ILDR1: variants seen among roughly 807,000 people sequenced by gnomAD.
The protein encoded by ILDR1 is immunoglobulin-like domain-containing receptor 1.
Under a neutral mutation model 62.4 loss-of-function variants are expected in ILDR1, and 56 were observed. The observed-to-expected ratio is 0.90, with a 90% CI of 0.72 to 1.12. ILDR1 has a LOEUF of 1.12. ILDR1 is among the 50% of genes most tolerant of loss of function. ILDR1 has a pLI of 0.00. For synonymous variants in ILDR1, 284 were observed against 277.8 expected (o/e 1.02, Z -0.22); for missense variants, 736 against 710.6 (o/e 1.04, Z -0.41).
chr3:122,031,334 T>C, the ILDR1 span, among the ~76,000 whole-genome samples: 2 of 152,148 alleles, frequency 1.3e-5, no homozygotes, highest in African/African-American at 4.8e-5. Context: ...GGGAGGTCAG[T>C]TTGAAAAATC....
chr3:122,059,425 A>G, the ILDR1 span, among the ~76,000 whole-genome samples: 1 of 152,068 alleles, frequency 6.6e-6, no homozygotes, highest in African/African-American at 2.4e-5. Flanking sequence ...AGTCCCAGCT[A>G]CTTGGGAGAC....
chr3:122,036,919 G>C, the ILDR1 span, among the ~76,000 whole-genome samples: 2 of 152,238 alleles, frequency 1.3e-5, no homozygotes, highest in African/African-American at 2.4e-5. Context: ...CTCCAGCCAT[G>C]GCTAAAAGGG....
chr3:121,996,986 C>T (rs890359529), intron 5 of ILDR1, among the ~76,000 whole-genome samples: 5 of 152,164 alleles, frequency 3.3e-5, no homozygotes, highest in Admixed American at 6.5e-5. Flanking sequence ...CTGCAACCTT[C>T]GCCTCTGGGG....
rs774255880 is a variant in ILDR1, at chr3:121,993,769, C to T, written c.980G>A (p.Arg327His). 21 of 1,614,008 alleles carry T rather than the reference C, an allele frequency of 1.3e-5. No homozygotes were observed. Among genetic ancestry groups the T allele is most frequent in the East Asian group, 8.9e-5 (4 of 44,892 alleles). ...CAGTGGGGGCAGGTGGATGATTCTG[C>T]GTTCCACGACCTCAGAGCCCAGGGA... is the stretch of plus-strand genomic sequence containing the variant. ...LSSLGSEVVE[R>H]RIIHLPPLIR... Residue 327 changes from arginine (R) to histidine (H), a missense_variant, in exon 7 of 8, where the codon CGC (arginine) becomes CAC (histidine). Physicochemically the swap from Arg to His is conservative, Grantham distance 29. Transcript: ENST00000344209.
the ILDR1 span, among the ~76,000 whole-genome samples, chr3:122,036,158 CGAAA>C: frequency 6.6e-6 from 1 of 152,024 alleles, no homozygotes; most frequent in Non-Finnish European, 1.5e-5. Context: ...ATTTTGAACT[CGAAA>C]GAGATGATTT....
chr3:122,001,745 G>C lies in ILDR1; in HGVS notation c.499C>G (p.His167Asp), dbSNP rs1407047461. 6.2e-7 allele frequency: 1 copy of C among 1,612,262 alleles called. No individual in the cohort carries two copies. Among genetic ancestry groups the C allele is most frequent in the Non-Finnish European group, 8.5e-7 (1 of 1,179,854 alleles). ...AATAGAAAGCTCCAGTAGCACTTAC[G>C]TAGGACGATGAGCTTTACTTCCTTA... ...PDKEVKLIVL[H>D]WLTVIFIILG... Residue 167 changes from histidine to aspartate, a missense_variant and splice_region_variant, in exon 4 of 8, where the codon CAC (histidine) becomes GAC (aspartate). His to Asp is a moderately conservative substitution (Grantham distance 81). Coordinates refer to ENST00000344209, the MANE Select transcript of ILDR1 (RefSeq NM_001199799.2).
chr3:122,039,787 AT>A, the ILDR1 span, among the ~76,000 whole-genome samples: 1 of 152,068 alleles, frequency 6.6e-6, no homozygotes, highest in South Asian at 2.1e-4. Flanking sequence ...AAAAGAATTG[AT>A]TGTTTAAAGC....
chr3:122,017,045 T>C (rs1372893323), intron 1 of ILDR1, among the ~76,000 whole-genome samples: 2 of 150,290 alleles, frequency 1.3e-5, no homozygotes, highest in Admixed American at 1.3e-4. Context: ...CTCAATTCTT[T>C]ATTTTATTTT....
At chr3:122,024,423 A>G (rs375276698), upstream of ILDR1, among the ~76,000 whole-genome samples, 1 of 152,236 alleles carries the variant, frequency 6.6e-6, no homozygotes, top group African/African-American at 2.4e-5. Context: ...CAAATGAAAA[A>G]TAGCTTTAAT....
At chr3:122,040,349 G>C in the ILDR1 span, among the ~76,000 whole-genome samples, 1 of 151,924 alleles carries the variant, frequency 6.6e-6, no homozygotes, top group South Asian at 2.1e-4. Context: ...GGTTTTGTCA[G>C]ATTCAAAGGG....
chr3:122,032,586 C>A, the ILDR1 span, among the ~76,000 whole-genome samples: 1 of 152,262 alleles, frequency 6.6e-6, no homozygotes, highest in East Asian at 1.9e-4. Context: ...AGACTAAATC[C>A]ATGACCCTCA....
intron 1 of ILDR1, among the ~76,000 whole-genome samples, chr3:122,015,254 T>C (rs1352413645): frequency 2.0e-5 from 3 of 152,242 alleles, no homozygotes; most frequent in African/African-American, 4.8e-5. Flanking sequence ...TTTCAAGTTC[T>C]AAATCAAGCC....
intron 3 of ILDR1, among the ~76,000 whole-genome samples, chr3:122,004,974 G>T (rs2071581752): frequency 6.6e-6 from 1 of 152,202 alleles, no homozygotes; most frequent in Non-Finnish European, 1.5e-5. Flanking sequence ...TCTCAGGAAA[G>T]CAAAGGGAAC....
chr3:121,988,379 A>G lies in ILDR1; in HGVS notation c.1629T>C (p.Ser543=). 2 of 1,613,374 alleles carry G rather than the reference A, an allele frequency of 1.2e-6. No individual in the cohort carries two copies. The highest frequency in any genetic ancestry group is 1.1e-5 in the South Asian group (1 of 91,038). ...SEKDSSHSGR[S]VVI ...CTGTGCTTGGTGACTAAATGACCAC[A>G]CTCCTTCCACTATGAGAGCTGTCTT... Residue 543 remains serine (S), a synonymous_variant, in exon 8 of 8, where the codon AGT becomes AGC. Transcript: ENST00000344209.
At chr3:122,018,351 T>G (rs1413975964) in intron 1 of ILDR1, among the ~76,000 whole-genome samples, 1 of 120,464 alleles carries the variant, frequency 8.3e-6, no homozygotes, top group Non-Finnish European at 1.6e-5. Context: ...TGAGAACACA[T>G]GGACACAGGG....
intron 1 of ILDR1, among the ~76,000 whole-genome samples, chr3:122,010,175 AC>A (rs1222409869): frequency 1.3e-5 from 2 of 152,202 alleles, no homozygotes; most frequent in Non-Finnish European, 2.9e-5. Context: ...TACTTGGGTA[AC>A]CTGGGGGAAA....
chr3:121,988,406 C>G lies in ILDR1; in HGVS notation c.1602G>C (p.Glu534Asp). ...TCCTTCCACTATGAGAGCTGTCTTT[C>G]TCCTGGGAAATAGAAGAATACACAC... ...RKKGSVERRS[E>D]KDSSHSGRSV... The change falls in exon 8 of 8, where the codon GAG becomes GAC. Residue 534 changes from glutamate to aspartate, a missense_variant and splice_region_variant. Physicochemically the swap from Glu to Asp is conservative, Grantham distance 45. Coordinates refer to ENST00000344209, the MANE Select transcript of ILDR1 (RefSeq NM_001199799.2). 6.2e-7 allele frequency: 1 copy of G among 1,613,336 alleles called. No individual in the cohort carries two copies. Among genetic ancestry groups the G allele is most frequent in the Non-Finnish European group, 8.5e-7 (1 of 1,179,366 alleles).
At chr3:122,044,330 T>C in the ILDR1 span, among the ~76,000 whole-genome samples, 1 of 108,168 alleles carries the variant, frequency 9.2e-6, no homozygotes. Context: ...AGTATTTTAT[T>C]GAGGATTTTT....
At chr3:122,040,659 T>C in the ILDR1 span, among the ~76,000 whole-genome samples, 1 of 143,710 alleles carries the variant, frequency 7.0e-6, no homozygotes, top group East Asian at 2.0e-4. Flanking sequence ...AAGGAGCAAA[T>C]GGTATACAAT....
Sources: gnomAD v4.1 joint callset for allele counts (sites outside exome capture counted in the v4.1 genomes callset) on GRCh38, gnomAD v4.1.1 for gene constraint, MANE v1.5 for transcripts, NCBI Gene and HGNC (gene_info 2026-07-23, HGNC 2026-07-21) for gene names.